The following HDAC4 variants were observed in gnomAD, a reference collection of about 807,000 sequenced individuals.
HDAC4 encodes histone deacetylase A.
Under a neutral mutation model 135.1 loss-of-function variants are expected in HDAC4, and 16 were observed. The ratio of observed to expected loss-of-function variants is 0.12; its 90% CI spans 0.08 to 0.18. The LOEUF is 0.18. HDAC4 is among the 10% of genes least tolerant of loss of function. HDAC4 has a pLI of 1.00. For missense variants in HDAC4, 1,143 were observed against 1,511.8 expected (o/e 0.76, Z 4.05); for synonymous variants, 685 against 653.4 (o/e 1.05, Z -0.74).
At chr2:239,208,221 G>A (rs1249689227) in intron 3 of HDAC4, among the ~76,000 whole-genome samples, 11 of 150,630 alleles carry the variant, frequency 7.3e-5, no homozygotes, top group South Asian at 2.1e-4. Context: ...CAGCTACTCC[G>A]GAGGCCGAGG....
intron 3 of HDAC4, among the ~76,000 whole-genome samples, chr2:239,200,794 C>T (rs1165659839): frequency 6.6e-6 from 1 of 151,770 alleles, no homozygotes; most frequent in East Asian, 1.9e-4. Flanking sequence ...CATTCGACGC[C>T]GTGCTCGGAG....
At chr2:239,142,005 G>A (rs958660560) in intron 8 of HDAC4, among the ~76,000 whole-genome samples, 2 of 152,174 alleles carry the variant, frequency 1.3e-5, no homozygotes, top group African/African-American at 4.8e-5. Context: ...GGATGGCGCA[G>A]GAAGATGGTG....
At chr2:239,147,039 C>T (rs573630535) in intron 7 of HDAC4, among the ~76,000 whole-genome samples, 4 of 152,298 alleles carry the variant, frequency 2.6e-5, no homozygotes, top group South Asian at 2.1e-4. Flanking sequence ...GCCCTCCGCT[C>T]GTCCCTGCCC....
intron 1 of HDAC4, among the ~76,000 whole-genome samples, chr2:239,385,162 T>G (rs1695703493): frequency 1.3e-5 from 2 of 152,208 alleles, no homozygotes; most frequent in East Asian, 3.8e-4. Flanking sequence ...AGCCCCTGAC[T>G]GCTTTGCGTG....
chr2:239,340,520 C>A (rs993864777), intron 2 of HDAC4, among the ~76,000 whole-genome samples: 1 of 152,090 alleles, frequency 6.6e-6, no homozygotes, highest in Non-Finnish European at 1.5e-5. Context: ...AGGCTGGGTA[C>A]TCCATCGGTG....
At chr2:239,356,665 G>A (rs940183795) in intron 1 of HDAC4, among the ~76,000 whole-genome samples, 3 of 151,978 alleles carry the variant, frequency 2.0e-5, no homozygotes, top group Non-Finnish European at 4.4e-5. Flanking sequence ...CAATACAGAA[G>A]ACCACTTCAT....
chr2:239,153,546 ATTCTC>A (rs1421807934), intron 7 of HDAC4, among the ~76,000 whole-genome samples: 3 of 152,232 alleles, frequency 2.0e-5, no homozygotes, highest in Non-Finnish European at 4.4e-5. Flanking sequence ...ACTACACACT[ATTCTC>A]TTAAGTGGTT....
chr2:239,109,736 T>C (rs569965556), intron 14 of HDAC4, among the ~76,000 whole-genome samples: 25 of 152,190 alleles, frequency 1.6e-4, no homozygotes, highest in African/African-American at 5.5e-4. Context: ...CACAGACACA[T>C]AGGCAATGAC....
intron 1 of HDAC4, among the ~76,000 whole-genome samples, chr2:239,376,528 G>C (rs1442375626): frequency 7.2e-5 from 11 of 152,236 alleles, no homozygotes. Context: ...CGACCGCCCT[G>C]GCCCGAAGGC....
intron 2 of HDAC4, among the ~76,000 whole-genome samples, chr2:239,343,621 T>G (rs1692436314): frequency 6.6e-6 from 1 of 152,222 alleles, no homozygotes; most frequent in South Asian, 2.1e-4. Context: ...CTCAGGGGGC[T>G]TCCATGCCCA....
At chr2:239,095,209 G>A (rs931980369) in intron 16 of HDAC4, among the ~76,000 whole-genome samples, 153 bp from the exon 17 acceptor site, 3 of 152,170 alleles carry the variant, frequency 2.0e-5, no homozygotes, top group Non-Finnish European at 2.9e-5. Context: ...CTGTGGCCCT[G>A]CTGCAGGGTC....
Position 239,331,333 on chromosome 2 carries a change from G to C in HDAC4, c.22+21345C>G, listed in dbSNP as rs143126629. 6.6e-6 allele frequency among the ~76,000 whole-genome samples: 1 copy of C among 152,148 alleles called. No homozygotes were observed. The highest frequency in any genetic ancestry group is 1.9e-4 in the East Asian group (1 of 5,190). On this transcript the variant is annotated intron_variant, in intron 2 of 26. Coordinates refer to ENST00000543185, the MANE Select transcript of HDAC4 (RefSeq NM_001378414.1). This position sits in a 1 kb window ranked among gnomAD's most constrained non-coding sequence, Gnocchi z 4.5. ...GAAGACAAGCAGGAAGGGGTGGGGT[G>C]GCCCTGCCCACTGCATTTCTGGTCA...
intron 2 of HDAC4, among the ~76,000 whole-genome samples, chr2:239,275,299 C>A (rs147132581): frequency 1.4e-3 from 207 of 152,368 alleles, no homozygotes; most frequent in African/African-American, 4.9e-3. Flanking sequence ...CTGCTCACTG[C>A]CGCTTTCTTC....
At chr2:239,154,629 G>A (rs1302670066) in intron 7 of HDAC4, 1 of 152,104 alleles carries the variant, frequency 6.6e-6, no homozygotes, top group Non-Finnish European at 1.5e-5. Flanking sequence ...GCGGACTTTG[G>A]TTTTGTTGAT....
intron 2 of HDAC4, among the ~76,000 whole-genome samples, chr2:239,291,164 T>C (rs2125502540): frequency 6.6e-6 from 1 of 152,366 alleles, no homozygotes; most frequent in East Asian, 1.9e-4. Context: ...CCTGGGGTCC[T>C]TGTTCAGCCC....
chr2:239,107,979 CG>C, intron 15 of HDAC4, 70 bp downstream of exon 15: 2 of 1,584,578 alleles, frequency 1.3e-6, no homozygotes, highest in South Asian at 2.2e-5. Flanking sequence ...CCCTGAATCA[CG>C]CGGGCCCACG....
At chr2:239,281,919 CA>C (rs1182022718) in intron 2 of HDAC4, among the ~76,000 whole-genome samples, 1 of 148,022 alleles carries the variant, frequency 6.8e-6, no homozygotes, top group Non-Finnish European at 1.5e-5. Context: ...CACCACACTA[CA>C]CACAATGTAC....
At chr2:239,179,410 T>C (rs1353436198) in intron 4 of HDAC4, among the ~76,000 whole-genome samples, 1 of 152,166 alleles carries the variant, frequency 6.6e-6, no homozygotes, top group African/African-American at 2.4e-5. Flanking sequence ...GGATCAGTGG[T>C]GGCATTAGAT....
intron 2 of HDAC4, among the ~76,000 whole-genome samples, chr2:239,316,606 G>C (rs532609658): frequency 2.4e-4 from 36 of 152,308 alleles, no homozygotes; most frequent in Admixed American, 6.5e-4. Flanking sequence ...CTAGGTAAGA[G>C]AGCGGCTGGA....
Sources: gnomAD v4.1 joint callset for allele counts (sites outside exome capture counted in the v4.1 genomes callset) on GRCh38, gnomAD v4.1.1 for gene constraint, Gnocchi (gnomAD v3.1) non-coding constraint, MANE v1.5 for transcripts, NCBI Gene and HGNC (gene_info 2026-07-23, HGNC 2026-07-21) for gene names.